Variants in POLE observed in about 807,000 individuals in gnomAD.
POLE encodes the protein DNA polymerase epsilon, catalytic subunit, also known as DNA polymerase epsilon catalytic subunit A.
In POLE, 188 loss-of-function variants were observed where a neutral mutation model predicts 279.2. The ratio of observed to expected loss-of-function variants is 0.67; its 90% CI spans 0.60 to 0.76. POLE has a LOEUF of 0.76. Among genes scored for constraint, POLE ranks in the 30% least tolerant of loss-of-function variants. The probability of loss-of-function intolerance (pLI) is 0.00; values close to 1 mark genes in which losing one functional copy is unlikely to be tolerated. For synonymous variants in POLE, 1,214 were observed against 1,172.5 expected (o/e 1.04, Z -0.72); for missense variants, 2,703 against 3,016.7 (o/e 0.90, Z 2.44).
At chr12:132,643,102 A>G in intron 35 of POLE, 106 bp from the exon 36 acceptor site, 1 of 1,470,122 alleles carries the variant, frequency 6.8e-7, no homozygotes, top group Non-Finnish European at 9.2e-7. Context: ...CAATCACGAC[A>G]AGCACTCATG....
In POLE at chr12:132,650,320, C is replaced by T. The variant is rs5744896; in HGVS notation, c.3583-431G>A. On this transcript the variant is annotated intron_variant, in intron 29 of 48. Transcript: ENST00000320574. ...GTTCGTTTACACAAGTTTATTGAAC[C>T]TTTAATAGTGAAGGCCGGGTGTGGT... 0.67 allele frequency: 119,967 copies of T among 179,708 alleles called. 41,535 individuals carry two copies. Among genetic ancestry groups the T allele is most frequent in the African/African-American group, 0.85 (35,853 of 42,104 alleles). 11.1% of individuals were successfully genotyped at this position (179,708 alleles called of 1,614,324 possible).
At position 132,675,782 on chromosome 12, in the gene POLE, C is replaced by T. The variant is rs1593077554; in HGVS notation, c.1059G>A (p.Glu353=). ...AGGTGACCATGATGGTGGGTTTGGT[C>T]TCCTGGACGTGTTCAAACCACCTTT... ...LIQRWFEHVQ[E]TKPTIMVTYN... is the part of the protein sequence containing the mutation. Residue 353 remains glutamate, a synonymous_variant, in exon 11 of 49, where the codon GAG becomes GAA. Coordinates refer to ENST00000320574, the MANE Select transcript of POLE (RefSeq NM_006231.4). This position sits in a 1 kb window ranked among gnomAD's most constrained non-coding sequence, Gnocchi z 4.3. The T allele has an allele frequency of 6.2e-7, 1 of 1,614,188 alleles. No individual in the cohort carries two copies. Among genetic ancestry groups the T allele is most frequent in the Non-Finnish European group, 8.5e-7 (1 of 1,180,028 alleles).
At chr12:132,665,565 A>C (rs2042779692) in intron 20 of POLE, 115 bp from the exon 21 acceptor site, 2 of 1,184,916 alleles carry the variant, frequency 1.7e-6, no homozygotes, top group Non-Finnish European at 2.3e-6. Flanking sequence ...GAAAACCTAA[A>C]AAACCAGTAC....
Position 132,668,162 on chromosome 12 carries a change from A to G in POLE, c.2173+194T>C, listed in dbSNP as rs5744802. Among the ~76,000 whole-genome samples, 1,953 of 152,274 alleles carry G rather than the reference A, an allele frequency of 0.013. 49 individuals carry two copies. Among genetic ancestry groups the G allele is most frequent in the African/African-American group, 0.044 (1,838 of 41,558 alleles). On this transcript the variant is annotated intron_variant, in intron 19 of 48. Transcript: ENST00000320574. The surrounding 1 kb of genome is among the most constrained non-coding windows in gnomAD (Gnocchi z 4.0). ...CCAAGACCACAGAGCAGCAGTGTCTAACACTTGCAGATGGGGAAGCAAATA... is the reference window on the plus strand; with the variant it reads ...CCAAGACCACAGAGCAGCAGTGTCTGACACTTGCAGATGGGGAAGCAAATA...
chr12:132,680,560 G>C (rs1565980891), intron 3 of POLE, 47 bp downstream of exon 3: 1 of 1,394,198 alleles, frequency 7.2e-7, no homozygotes, highest in Non-Finnish European at 1.0e-6. Context: ...AGAGCTACAT[G>C]AACACCCATA....
At chr12:132,655,345 C>T (rs1403579302) in intron 29 of POLE, among the ~76,000 whole-genome samples, 2 of 151,574 alleles carry the variant, frequency 1.3e-5, no homozygotes, top group Non-Finnish European at 2.9e-5. Flanking sequence ...CAAACATGGT[C>T]TGTATTTAAG....
intron 45 of POLE, among the ~76,000 whole-genome samples, chr12:132,628,147 T>G (rs1057261810): frequency 8.0e-5 from 12 of 150,804 alleles, no homozygotes; most frequent in Non-Finnish European, 1.6e-4. Flanking sequence ...ATCGAGACCA[T>G]CCTGGCTAAC....
Position 132,643,947 on chromosome 12 carries a change from C to A in POLE, c.4180G>T (p.Val1394Phe), listed in dbSNP as rs559773751. 4 of 1,613,764 alleles carry A rather than the reference C, an allele frequency of 2.5e-6. No homozygotes were observed. The African/African-American group carries it at 5.3e-5, about 22-fold the overall frequency. Residue 1394 changes from valine (V) to phenylalanine (F), a missense_variant, in exon 33 of 49, where the codon GTC becomes TTC. Val to Phe is a conservative substitution (Grantham distance 50). Around this residue, in one of 5 missense-constraint regions of POLE, gnomAD observed 1,551 missense variants for 1,686.1 expected, o/e 0.92. Transcript: ENST00000320574. ...VNRVLPRSNMVYNLYEYSVPE... is the reference protein window; with the variant it reads ...VNRVLPRSNMFYNLYEYSVPE... ...ACTGAATACTCATAGAGATTGTAGACCATGTTGGAGCGAGGAAGGACCCGA... is the reference window on the plus strand; with the variant it reads ...ACTGAATACTCATAGAGATTGTAGAACATGTTGGAGCGAGGAAGGACCCGA...
At chr12:132,635,335 C>T (rs2138480569) in intron 42 of POLE, among the ~76,000 whole-genome samples, 1 of 152,360 alleles carries the variant, frequency 6.6e-6, no homozygotes, top group East Asian at 1.9e-4. Context: ...AGGCCCTTCT[C>T]ACCAACCTCG....
At position 132,639,026 on chromosome 12, in the gene POLE, A is replaced by C; in HGVS notation, c.5552+99T>G. On this transcript the variant is annotated intron_variant, in intron 40 of 48. Transcript: ENST00000320574. This position sits in a 1 kb window ranked among gnomAD's most constrained non-coding sequence, Gnocchi z 4.7. ...CCACAAACTCAGAAATACACTACTTATCCCAGAGGCACTGGCTGGCCATGT... is the reference window on the plus strand; with the variant it reads ...CCACAAACTCAGAAATACACTACTTCTCCCAGAGGCACTGGCTGGCCATGT... The C allele has an allele frequency of 6.0e-6, 6 of 995,758 alleles. No individual in the cohort carries two copies. In the South Asian group the frequency reaches 8.6e-5, roughly 14 times the overall value. 61.7% of individuals were successfully genotyped at this position (995,758 alleles called of 1,614,324 possible). A position where few individuals can be genotyped will look rare whatever the true frequency, so the allele number is the denominator to read the frequency against.
intron 25 of POLE, chr12:132,660,658 C>T (rs151000222): frequency 2.0e-5 from 5 of 248,338 alleles, no homozygotes; most frequent in Non-Finnish European, 3.8e-5. Context: ...GGTGCAGTCA[C>T]GGCTCACTGT....
Position 132,680,696 on chromosome 12 carries a change from G to GA in POLE, c.205-10dup, listed in dbSNP as rs2043148431. ...TCATCTAAAATCTCGGTCTACAAGA[G>GA]AATCAGTCAACACAGACACAAGACC... is the stretch of plus-strand genomic sequence containing the variant. On this transcript the variant is annotated splice_polypyrimidine_tract_variant and intron_variant, in intron 2 of 48. Transcript: ENST00000320574. The GA allele has an allele frequency of 6.2e-7, 1 of 1,607,460 alleles. No individual in the cohort carries two copies. Among genetic ancestry groups the GA allele is most frequent in the African/African-American group, 1.3e-5 (1 of 74,790 alleles).
At position 132,687,293 on chromosome 12, in the gene POLE, C is replaced by T. The variant is rs2136052243; in HGVS notation, c.23G>A (p.Arg8Gln). ...ATCCGCGCCTGGGTCCGCGCGCCGCCGCCCGCCGCTCCTCAGAGACATGGA... is the reference window on the plus strand; with the variant it reads ...ATCCGCGCCTGGGTCCGCGCGCCGCTGCCCGCCGCTCCTCAGAGACATGGA... MSLRSGG[R>Q]RRADPGADGE... Residue 8 changes from arginine (R) to glutamine (Q), a missense_variant, in exon 1 of 49, where the codon CGG becomes CAG. Arg to Gln is a conservative substitution (Grantham distance 43). Coordinates refer to ENST00000320574, the MANE Select transcript of POLE (RefSeq NM_006231.4). The T allele has an allele frequency of 1.3e-6, 2 of 1,504,500 alleles. No individual in the cohort carries two copies. The highest frequency in any genetic ancestry group is 1.8e-6 in the Non-Finnish European group (2 of 1,128,444). 93.2% of individuals were successfully genotyped at this position (1,504,500 alleles called of 1,614,324 possible). A position where few individuals can be genotyped will look rare whatever the true frequency, so the allele number is the denominator to read the frequency against.
chr12:132,680,367 G>A lies in POLE; in HGVS notation c.286-145C>T, dbSNP rs5744737. On this transcript the variant is annotated intron_variant, in intron 3 of 48. Transcript: ENST00000320574. ...TTGGTAGCATACAGGAAGTCAGAAT[G>A]CGCACTTTTCACAGGGGCAAGAATC... The A allele has an allele frequency of 1.7e-3, 1,288 of 769,678 alleles. 11 individuals are homozygous for A. The African/African-American group carries it at 0.018, about 11-fold the overall frequency. The allele number at this position is 769,678 out of a possible 1,614,324, so 47.7% of individuals were successfully genotyped here. A position where few individuals can be genotyped will look rare whatever the true frequency, so the allele number is the denominator to read the frequency against.
chr12:132,659,036 C>G (rs1414731459), intron 26 of POLE, among the ~76,000 whole-genome samples: 2 of 152,178 alleles, frequency 1.3e-5, no homozygotes, highest in Non-Finnish European at 2.9e-5. Flanking sequence ...TGCAATTCAA[C>G]CCTTTGAACT....
In POLE at chr12:132,626,224, C is replaced by T. The variant is rs1593697633; in HGVS notation, c.6424G>A (p.Ala2142Thr). Residue 2142 changes from alanine to threonine, a missense_variant, in exon 46 of 49, where the codon GCC becomes ACC. By Grantham distance (58) the Ala-to-Thr change is moderately conservative. Transcript: ENST00000320574. The stretch of plus-strand genomic sequence containing the variant: ...GAGCGGCAGGGGTCTCGGAACTGGG[C>T]CTCCTCGGAGAACTCGCCGACATCC... ...LVDVGEFSEE[A>T]QFRDPCRSYV... The T allele has an allele frequency of 6.2e-7, 1 of 1,613,860 alleles. No individual in the cohort carries two copies.
At position 132,665,552 on chromosome 12, in the gene POLE, A is replaced by G. The variant is rs1392152896; in HGVS notation, c.2320-102T>C. The G allele has an allele frequency of 6.6e-6, 9 of 1,356,278 alleles. No individual in the cohort carries two copies. In the Admixed American group the frequency reaches 2.1e-4, roughly 31 times the overall value. 84.0% of individuals were successfully genotyped at this position (1,356,278 alleles called of 1,614,324 possible). A position where few individuals can be genotyped will look rare whatever the true frequency, so the allele number is the denominator to read the frequency against. ...TAGTATTTTGAAAATTTTCAAATCT[A>G]TAGAAAACCTAAAAAACCAGTACAA... On this transcript the variant is annotated intron_variant, in intron 20 of 48. Coordinates refer to ENST00000320574, the MANE Select transcript of POLE (RefSeq NM_006231.4).
intron 45 of POLE, among the ~76,000 whole-genome samples, chr12:132,626,888 T>C: frequency 6.6e-6 from 1 of 152,232 alleles, no homozygotes; most frequent in South Asian, 2.1e-4. Flanking sequence ...ACCACCTCAA[T>C]GGACTAACAT....
At chr12:132,625,954 C>G in intron 46 of POLE, 163 bp downstream of exon 46, 1 of 1,102,340 alleles carries the variant, frequency 9.1e-7, no homozygotes, top group Non-Finnish European at 1.3e-6. Flanking sequence ...ACATTCCGAA[C>G]ATGGTGTGGG....
Sources: allele counts gnomAD v4.1 joint callset (sites outside exome capture counted in the v4.1 genomes callset), GRCh38; gene constraint gnomAD v4.1.1; regional missense constraint gnomAD v4.1.1; non-coding constraint Gnocchi (gnomAD v3.1); transcripts MANE v1.5; gene names NCBI Gene and HGNC (gene_info 2026-07-23, HGNC 2026-07-21).